Variants in IRAG2 observed in about 807,000 individuals in gnomAD.
IRAG2 encodes the protein inositol 1,4,5-triphosphate receptor associated 2.
Under a neutral mutation model 69.9 loss-of-function variants are expected in IRAG2, and 45 were observed. The observed-to-expected ratio is 0.64, with a 90% CI of 0.51 to 0.83. The LOEUF (loss-of-function observed/expected upper bound fraction) is 0.83, where lower values mean the gene tolerates loss of function less well. IRAG2 is among the 40% of genes least tolerant of loss of function. IRAG2 has a pLI of 0.00. For synonymous variants in IRAG2, 193 were observed against 202.4 expected (o/e 0.95, Z 0.40); for missense variants, 520 against 587.0 (o/e 0.89, Z 1.18).
intron 9 of IRAG2, among the ~76,000 whole-genome samples, chr12:25,081,759 T>A (rs534695173): frequency 6.6e-6 from 1 of 152,322 alleles, no homozygotes; most frequent in East Asian, 1.9e-4. Context: ...AATAGAATAC[T>A]AATATGCAGG....
At chr12:25,048,274 C>T (rs552492450), upstream of IRAG2, among the ~76,000 whole-genome samples, 1 of 152,088 alleles carries the variant, frequency 6.6e-6, no homozygotes, top group South Asian at 2.1e-4. Context: ...AGTGTCTGTT[C>T]CTGTCCTTTG....
chr12:25,006,984 T>C (rs1241049314), intron 2 of IRAG2, among the ~76,000 whole-genome samples: 1 of 152,228 alleles, frequency 6.6e-6, no homozygotes, highest in African/African-American at 2.4e-5. Context: ...TAATCCTGTT[T>C]CCCTGAGTAA....
chr12:25,081,089 A>T (rs775341976), intron 9 of IRAG2, among the ~76,000 whole-genome samples: 1 of 152,226 alleles, frequency 6.6e-6, no homozygotes, highest in Non-Finnish European at 1.5e-5. Context: ...ATTTACAGCA[A>T]TAACTAGTAA....
chr12:25,069,475 T>C (rs541564274), intron 6 of IRAG2, 44 bp downstream of exon 6: 80 of 1,544,202 alleles, frequency 5.2e-5, no homozygotes, highest in South Asian at 3.8e-4. Context: ...AGTATTACCA[T>C]ATCCTGTTCT....
chr12:25,098,506 C>T (rs1419185430), intron 15 of IRAG2, among the ~76,000 whole-genome samples: 1 of 152,178 alleles, frequency 6.6e-6, no homozygotes, highest in African/African-American at 2.4e-5. Flanking sequence ...GTCTCTAACC[C>T]TATCCAAGGC....
intron 15 of IRAG2, 117 bp downstream of exon 15, chr12:25,097,161 G>C: frequency 1.0e-6 from 1 of 979,890 alleles, no homozygotes; most frequent in Non-Finnish European, 1.5e-6. Flanking sequence ...TGTTGTATAA[G>C]ACATATGCGT....
chr12:25,036,537 A>G, intron 14 of IRAG2: 1 of 398,564 alleles, frequency 2.5e-6, no homozygotes, highest in East Asian at 3.6e-5. Context: ...TTCTGATTAT[A>G]TAATAGCATA....
chr12:25,065,668 G>C (rs1229446971), intron 4 of IRAG2, among the ~76,000 whole-genome samples: 1 of 152,190 alleles, frequency 6.6e-6, no homozygotes, highest in Non-Finnish European at 1.5e-5. Flanking sequence ...AATGGGTGCA[G>C]CCGTGTTCCA....
At chr12:25,052,536 G>A (rs891863544), upstream of IRAG2, 10 of 396,880 alleles carry the variant, frequency 2.5e-5, no homozygotes, top group African/African-American at 1.9e-4. Flanking sequence ...AAGAGAGGCG[G>A]TATCAACAGC....
intron 16 of IRAG2, among the ~76,000 whole-genome samples, chr12:25,044,117 T>C (rs1291371967): frequency 6.6e-6 from 1 of 152,182 alleles, no homozygotes; most frequent in Non-Finnish European, 1.5e-5. Context: ...TAAAAATATG[T>C]AAATTATGAT....
rs996957779 is a variant in IRAG2, at chr12:25,036,587, C to T, written c.1881C>T (p.His627=). The change falls in exon 15 of 39, where the codon CAC becomes CAT. Residue 627 remains histidine, a splice_region_variant and synonymous_variant. Coordinates refer to the IRAG2 transcript ENST00000636465. ...AAGATGTGGAACTCTTTTTTCAGCA[C>T]GAAGAAATTTCTAAAATTGCAACCC... 4.5e-5 allele frequency: 18 copies of T among 398,660 alleles called. 1 individual carries two copies. The South Asian group carries it at 7.6e-4, about 17-fold the overall frequency. 24.7% of individuals were successfully genotyped at this position (398,660 alleles called of 1,614,324 possible). A position where few individuals can be genotyped will look rare whatever the true frequency, so the allele number is the denominator to read the frequency against.
chr12:25,023,811 A>G (rs1944601662), intron 7 of IRAG2: 1 of 858,636 alleles, frequency 1.2e-6, no homozygotes, highest in East Asian at 3.3e-5. Flanking sequence ...GGAGGTAAAT[A>G]TGTGGTATTT....
At chr12:25,015,190 T>C in exon 4 of IRAG2, 1 of 1,121,912 alleles carries the variant, frequency 8.9e-7, no homozygotes, top group Non-Finnish European at 1.1e-6. Context: ...AGGGAAGGAG[T>C]GAATCATAGA....
the IRAG2 span, among the ~76,000 whole-genome samples, chr12:24,998,885 A>G: frequency 6.9e-6 from 1 of 145,090 alleles, no homozygotes; most frequent in African/African-American, 2.7e-5. Flanking sequence ...TTTAAAGGAA[A>G]AAAACAGGAA....
exon 1 of IRAG2, chr12:25,004,899 A>G (rs1944419159): frequency 8.1e-7 from 1 of 1,231,346 alleles, no homozygotes; most frequent in Non-Finnish European, 1.0e-6. Context: ...TAAAAAAATT[A>G]TCTCTGAATG....
intron 6 of IRAG2, among the ~76,000 whole-genome samples, chr12:25,017,717 C>A (rs78829763): frequency 4.9e-5 from 7 of 142,374 alleles, no homozygotes; most frequent in Admixed American, 6.9e-5. Context: ...GACTCTGTCT[C>A]AAAAAAAAAA....
rs1054604976 is a variant in IRAG2 at position 25,099,008 on chromosome 12, C to T, written c.741+1964C>T. On this transcript the variant is annotated intron_variant, in intron 15 of 21. Coordinates refer to ENST00000556887, the MANE Select transcript of IRAG2 (RefSeq NM_001366544.2). ...TTCTCTACATCACGGGCTGCTCCTT[C>T]TAGGCTTCCTGCAGTTCTACCCCTT... is the stretch of plus-strand genomic sequence containing the variant. Among the ~76,000 whole-genome samples, 5 of 152,162 alleles carry T rather than the reference C, an allele frequency of 3.3e-5. No individual in the cohort carries two copies. In the South Asian group the frequency reaches 1.0e-3, roughly 32 times the overall value.
chr12:25,066,536 T>C (rs1289854706), intron 5 of IRAG2, 24 bp downstream of exon 5: 1 of 401,112 alleles, frequency 2.5e-6, no homozygotes, highest in Non-Finnish European at 4.4e-6. Flanking sequence ...AAAATTTACT[T>C]ACTCTACTCC....
At chr12:25,032,457 C>T in intron 12 of IRAG2, 1 of 398,438 alleles carries the variant, frequency 2.5e-6, no homozygotes, top group Non-Finnish European at 4.4e-6. Flanking sequence ...GTGCCACATT[C>T]TTTTCTTCTA....
Sources: allele counts gnomAD v4.1 joint callset (sites outside exome capture counted in the v4.1 genomes callset), GRCh38; gene constraint gnomAD v4.1.1; transcripts MANE v1.5; gene names NCBI Gene and HGNC (gene_info 2026-07-23, HGNC 2026-07-21).